Variants in SHLD1 observed in about 807,000 individuals in gnomAD.
The protein encoded by SHLD1 is shieldin complex subunit 1.
A neutral mutation model predicts 5.5 loss-of-function variants in SHLD1; 3 were observed. The ratio of observed to expected loss-of-function variants is 0.54; its 90% CI spans 0.25 to 1.40. The LOEUF (loss-of-function observed/expected upper bound fraction) is 1.40, where lower values mean the gene tolerates loss of function less well. Ranked by LOEUF, SHLD1 falls within the 40% of genes most tolerant of loss-of-function variation. The probability of loss-of-function intolerance (pLI) is 0.15; values close to 1 mark genes in which losing one functional copy is unlikely to be tolerated. For missense variants in SHLD1, 210 were observed against 244.4 expected (o/e 0.86, Z 0.94); for synonymous variants, 92 against 94.3 (o/e 0.98, Z 0.14).
At chr20:5,789,171 C>CT (rs1244421266) in intron 2 of SHLD1, among the ~76,000 whole-genome samples, 7 of 146,600 alleles carry the variant, frequency 4.8e-5, no homozygotes, top group Admixed American at 1.4e-4. Flanking sequence ...AAAGTGATGT[C>CT]TGATTTTTCT....
chr20:5,820,798 G>T (rs2087597679), intron 2 of SHLD1, among the ~76,000 whole-genome samples: 1 of 152,226 alleles, frequency 6.6e-6, no homozygotes, highest in Non-Finnish European at 1.5e-5. Flanking sequence ...TGATGTACAA[G>T]CTTTAGCTTG....
intron 2 of SHLD1, among the ~76,000 whole-genome samples, chr20:5,794,955 A>T (rs1053328310): frequency 3.3e-5 from 5 of 152,068 alleles, no homozygotes; most frequent in African/African-American, 1.2e-4. Context: ...AAACAAAGTG[A>T]TGGCCGAGCT....
chr20:5,824,934 G>T (rs1311919747), intron 2 of SHLD1, among the ~76,000 whole-genome samples: 1 of 152,162 alleles, frequency 6.6e-6, no homozygotes, highest in African/African-American at 2.4e-5. Flanking sequence ...CCACAGGATG[G>T]CTTAGCTAAA....
chr20:5,823,220 A>G (rs1374589603), intron 2 of SHLD1, among the ~76,000 whole-genome samples: 1 of 150,506 alleles, frequency 6.6e-6, no homozygotes, highest in Non-Finnish European at 1.5e-5. Flanking sequence ...GCTGTTTCTC[A>G]TCCTCCTCTG....
At chr20:5,838,783 TAAATA>T (rs2087820155) in intron 2 of SHLD1, among the ~76,000 whole-genome samples, 1 of 152,152 alleles carries the variant, frequency 6.6e-6, no homozygotes, top group South Asian at 2.1e-4. Flanking sequence ...GTCTCAAAAA[TAAATA>T]AAGAATTAAA....
intron 2 of SHLD1, among the ~76,000 whole-genome samples, chr20:5,773,925 C>T (rs929020923): frequency 4.6e-5 from 7 of 151,962 alleles, no homozygotes; most frequent in African/African-American, 1.7e-4. Flanking sequence ...TCCAAATGGC[C>T]GGGTGTGGTA....
In SHLD1 at chr20:5,826,799, A is replaced by G. The variant is rs1055064931; in HGVS notation, c.179-36225A>G. 2.6e-5 allele frequency among the ~76,000 whole-genome samples: 4 copies of G among 152,174 alleles called. No homozygotes were observed. The South Asian group carries it at 6.2e-4, about 24-fold the overall frequency. On this transcript the variant is annotated intron_variant, in intron 2 of 2. Coordinates refer to ENST00000303142, the MANE Select transcript of SHLD1 (RefSeq NM_152504.4). ...ATACGATGCCTCATACAGAATCTGC[A>G]TGGGTTAAATGAATTCTGTGAAAGC...
At chr20:5,821,559 T>TA (rs2122413201) in intron 2 of SHLD1, among the ~76,000 whole-genome samples, 2 of 152,100 alleles carry the variant, frequency 1.3e-5, no homozygotes, top group East Asian at 3.9e-4. Context: ...GTATACTGGA[T>TA]ATTGAGGGAT....
chr20:5,757,795 G>A (rs990054581), intron 1 of SHLD1, among the ~76,000 whole-genome samples: 2 of 151,846 alleles, frequency 1.3e-5, no homozygotes, highest in Non-Finnish European at 2.9e-5. Flanking sequence ...TAGAGATGGG[G>A]TTTCACCATG....
rs1036381712 is a variant in SHLD1, at chr20:5,767,620, A to G, written c.-4-5242A>G. ...TTGCCTGCCACCAGGCTTAAGTGCG[A>G]CAAGTCCACCTGCTACCCAGCTGTC... On this transcript the variant is annotated intron_variant, in intron 1 of 2. Coordinates refer to ENST00000303142, the MANE Select transcript of SHLD1 (RefSeq NM_152504.4). Among the ~76,000 whole-genome samples, 138 of 152,200 alleles carry G rather than the reference A, an allele frequency of 9.1e-4. 2 individuals are homozygous for G. Among genetic ancestry groups the G allele is most frequent in the Non-Finnish European group, 1.5e-4 (10 of 68,036 alleles).
At chr20:5,822,747 G>A (rs990308136) in intron 2 of SHLD1, among the ~76,000 whole-genome samples, 1 of 151,662 alleles carries the variant, frequency 6.6e-6, no homozygotes, top group Non-Finnish European at 1.5e-5. Flanking sequence ...CCTCACTCCT[G>A]CATTATCAAT....
At chr20:5,801,151 C>T (rs1013961375) in intron 2 of SHLD1, among the ~76,000 whole-genome samples, 2 of 150,172 alleles carry the variant, frequency 1.3e-5, no homozygotes, top group Non-Finnish European at 2.9e-5. Context: ...GATCTTGGCT[C>T]ACTGCAACCT....
chr20:5,829,514 C>G (rs987765979), intron 2 of SHLD1, among the ~76,000 whole-genome samples: 2 of 152,244 alleles, frequency 1.3e-5, no homozygotes, highest in African/African-American at 4.8e-5. Flanking sequence ...ATAGGATTGT[C>G]TAAAGGAAAA....
At chr20:5,798,560 C>T (rs1404935612) in intron 2 of SHLD1, among the ~76,000 whole-genome samples, 1 of 151,414 alleles carries the variant, frequency 6.6e-6, no homozygotes, top group Non-Finnish European at 1.5e-5. Flanking sequence ...CCTCGGCCTC[C>T]CAAAGTGCTG....
intron 2 of SHLD1, among the ~76,000 whole-genome samples, chr20:5,792,372 G>T (rs1004926242): frequency 6.6e-6 from 1 of 152,030 alleles, no homozygotes; most frequent in Non-Finnish European, 1.5e-5. Context: ...TTTGTATATT[G>T]TGTAAGATAA....
At chr20:5,839,339 C>T (rs1235896147) in intron 2 of SHLD1, among the ~76,000 whole-genome samples, 4 of 152,194 alleles carry the variant, frequency 2.6e-5, no homozygotes, top group Admixed American at 2.6e-4. Flanking sequence ...TGATTTGAAA[C>T]TGACCCTTCT....
rs116744597 is a variant in SHLD1 at position 5,771,684 on chromosome 20, G to A, written c.-4-1178G>A. Among the ~76,000 whole-genome samples, 644 of 149,264 alleles carry A rather than the reference G, an allele frequency of 4.3e-3. 5 individuals carry two copies. Among genetic ancestry groups the A allele is most frequent in the African/African-American group, 0.015 (611 of 40,432 alleles). On this transcript the variant is annotated intron_variant, in intron 1 of 2. Transcript: ENST00000303142. ...GGCTGGAGTGCAGTGGTGCAATCTC[G>A]GCTCACTACAACCTCCGTGTGGCTA...
Position 5,863,004 on chromosome 20 carries a change from G to A in SHLD1, c.179-20G>A, listed in dbSNP as rs776426706. 12 of 1,548,208 alleles carry A rather than the reference G, an allele frequency of 7.8e-6. No homozygotes were observed. The Admixed American group carries it at 2.0e-4, about 26-fold the overall frequency. ...TTTTTGATTGTGTGTTTGAGTATTG[G>A]AATACGTTTTGTCTTGCAGACACCA... On this transcript the variant is annotated intron_variant, in intron 2 of 2. Transcript: ENST00000303142.
At chr20:5,843,102 C>T (rs1029745417) in intron 2 of SHLD1, among the ~76,000 whole-genome samples, 7 of 152,050 alleles carry the variant, frequency 4.6e-5, no homozygotes, top group African/African-American at 7.2e-5. Flanking sequence ...TCTGTGTGGA[C>T]GGTTTCTTTT....
Sources: gnomAD v4.1 joint callset for allele counts (sites outside exome capture counted in the v4.1 genomes callset) on GRCh38, gnomAD v4.1.1 for gene constraint, MANE v1.5 for transcripts, NCBI Gene and HGNC (gene_info 2026-07-23, HGNC 2026-07-21) for gene names.